Variants in CAPN5 observed in about 807,000 individuals in gnomAD.
CAPN5 encodes the protein calpain 5.
A neutral mutation model predicts 73.0 loss-of-function variants in CAPN5; 54 were observed. The ratio of observed to expected loss-of-function variants is 0.74; its 90% CI spans 0.59 to 0.93. The LOEUF (loss-of-function observed/expected upper bound fraction) is 0.93, where lower values mean the gene tolerates loss of function less well. Ranked by LOEUF, CAPN5 falls within the 40% of genes least tolerant of loss-of-function variation. The pLI, the probability that CAPN5 is intolerant of heterozygous loss-of-function variation, is 0.00. For synonymous variants in CAPN5, 335 were observed against 356.9 expected (o/e 0.94, Z 0.69); for missense variants, 785 against 882.9 (o/e 0.89, Z 1.41).
chr11:77,121,879 CCT>C (rs1950523426), intron 10 of CAPN5, 53 bp from the exon 11 acceptor site: 1 of 941,826 alleles, frequency 1.1e-6, no homozygotes, highest in Non-Finnish European at 1.6e-6. Context: ...CCTCTTCACC[CCT>C]GTCTTCCTGG....
At position 77,070,068 on chromosome 11, in the gene CAPN5, T is replaced by C. The variant is rs782511292; in HGVS notation, c.-36+2974T>C. 8.9e-4 allele frequency among the ~76,000 whole-genome samples: 136 copies of C among 152,156 alleles called. 1 individual carries two copies. The highest frequency in any genetic ancestry group is 3.7e-4 in the Non-Finnish European group (25 of 68,034). On this transcript the variant is annotated intron_variant, in intron 1 of 12. Coordinates refer to ENST00000648180, the MANE Select transcript of CAPN5 (RefSeq NM_004055.5). Reference sequence around the variant, plus strand: ...CAGCCTCAGGCTTGGATGGGGAAGCTGTGGATGATGTGTGCTTACCCGCAA... The same window carrying C: ...CAGCCTCAGGCTTGGATGGGGAAGCCGTGGATGATGTGTGCTTACCCGCAA...
chr11:77,113,430 A>G (rs1950432246), intron 4 of CAPN5, among the ~76,000 whole-genome samples: 1 of 152,170 alleles, frequency 6.6e-6, no homozygotes, highest in African/African-American at 2.4e-5. Flanking sequence ...GGATACGCCT[A>G]GGCCAGGAGG....
At chr11:77,121,082 C>T (rs1950516512) in intron 10 of CAPN5, among the ~76,000 whole-genome samples, 173 bp downstream of exon 10, 1 of 152,242 alleles carries the variant, frequency 6.6e-6, no homozygotes, top group Non-Finnish European at 1.5e-5. Context: ...TCCCAGCATC[C>T]CTGGCCATGA....
intron 1 of CAPN5, chr11:77,073,228 G>C: frequency 8.4e-6 from 6 of 713,470 alleles, no homozygotes; most frequent in Non-Finnish European, 1.3e-5. Flanking sequence ...CTGCTCACCC[G>C]AGGCTTGGCC....
rs1213102040 is a variant in CAPN5, at chr11:77,112,516, G to A, written c.298-73G>A. On this transcript the variant is annotated intron_variant, in intron 3 of 12. Coordinates refer to ENST00000648180, the MANE Select transcript of CAPN5 (RefSeq NM_004055.5). ...ACATTCCGATTCGCTGGAAGCACAC[G>A]CCCCCATTTCCTCAGGAAGCCGGAC... The A allele has an allele frequency of 5.5e-5, 64 of 1,161,372 alleles. 1 individual carries two copies. The highest frequency in any genetic ancestry group is 3.9e-4 in the South Asian group (31 of 80,518). The allele number at this position is 1,161,372 out of a possible 1,614,324, so 71.9% of individuals were successfully genotyped here.
At position 77,125,849 on chromosome 11, in the gene CAPN5, G is replaced by A. The variant is rs1395708503; in HGVS notation, c.*1979G>A. 1 of 152,468 alleles carries A rather than the reference G, an allele frequency of 6.6e-6. No homozygotes were observed. The highest frequency in any genetic ancestry group is 6.5e-5 in the Admixed American group (1 of 15,278). 9.4% of individuals were successfully genotyped at this position (152,468 alleles called of 1,614,324 possible). On this transcript the variant is annotated 3_prime_UTR_variant, in exon 13 of 13. Coordinates refer to ENST00000648180, the MANE Select transcript of CAPN5 (RefSeq NM_004055.5). ...TGCCTGCCACCCCCTGACAAAAACAGGTTCCACAGTGCTACCCTTGCTTCC... is the reference window on the plus strand; with the variant it reads ...TGCCTGCCACCCCCTGACAAAAACAAGTTCCACAGTGCTACCCTTGCTTCC...
Position 77,114,365 on chromosome 11 carries a change from G to A in CAPN5, c.630G>A (p.Lys210=). ...TEGDFANDET[K]RNQLFERMLK... ...GTGACTTTGCCAACGATGAGACTAA[G>A]AGGAACCAGCTCTTTGAGCGCATGT... Residue 210 remains lysine, a synonymous_variant, in exon 5 of 13, where the codon AAG becomes AAA. Transcript: ENST00000648180. 6.2e-7 allele frequency: 1 copy of A among 1,614,212 alleles called. No homozygotes were observed. Among genetic ancestry groups the A allele is most frequent in the Non-Finnish European group, 8.5e-7 (1 of 1,180,032 alleles).
rs782133997 is a variant in CAPN5, at chr11:77,093,779, C to G, written c.263C>G (p.Ser88Trp). 13 of 1,611,954 alleles carry G rather than the reference C, an allele frequency of 8.1e-6. No homozygotes were observed. Among genetic ancestry groups the G allele is most frequent in the Non-Finnish European group, 1.0e-5 (12 of 1,179,980 alleles). Residue 88 changes from serine (S) to tryptophan (W), a missense_variant, in exon 3 of 13, where the codon TCG (serine) becomes TGG (tryptophan). Physicochemically the swap from Ser to Trp is radical, Grantham distance 177. Transcript: ENST00000648180. ...VGNCWFVAACSSLASRESLWQ... is the reference protein window; with the variant it reads ...VGNCWFVAACWSLASRESLWQ... The stretch of plus-strand genomic sequence containing the variant: ...AACTGCTGGTTTGTGGCAGCCTGCT[C>G]GTCACTTGCCTCCCGGGAGTCGCTG...
At chr11:77,068,035 A>G (rs1247302421) in intron 1 of CAPN5, among the ~76,000 whole-genome samples, 3 of 152,182 alleles carry the variant, frequency 2.0e-5, no homozygotes, top group Non-Finnish European at 4.4e-5. Flanking sequence ...CCCAGGACTC[A>G]GGGGAAAGAG....
chr11:77,120,952 A>G (rs369222542), intron 10 of CAPN5, 43 bp downstream of exon 10: 232 of 1,573,004 alleles, frequency 1.5e-4, no homozygotes, highest in Non-Finnish European at 1.9e-4. Context: ...TGGGAGTGAC[A>G]TTCACACTGG....
chr11:77,118,001 A>T (rs1950484745), intron 7 of CAPN5, among the ~76,000 whole-genome samples, 156 bp from the exon 8 acceptor site: 1 of 152,150 alleles, frequency 6.6e-6, no homozygotes. Context: ...GTGCAATGCC[A>T]TGCCTGTGCC....
intron 5 of CAPN5, 42 bp downstream of exon 5, chr11:77,114,476 C>T (rs112770387): frequency 6.4e-7 from 1 of 1,551,522 alleles, no homozygotes; most frequent in Non-Finnish European, 8.9e-7. Flanking sequence ...CTCCCCTTCA[C>T]CCTCGCTGAC....
intron 3 of CAPN5, among the ~76,000 whole-genome samples, chr11:77,098,079 G>A (rs1283321604): frequency 2.2e-5 from 2 of 90,124 alleles, no homozygotes; most frequent in Admixed American, 1.9e-4. Flanking sequence ...TCCCGGACGG[G>A]GCGGCTGGCC....
At position 77,118,238 on chromosome 11, in the gene CAPN5, C is replaced by T. The variant is rs200318803; in HGVS notation, c.1053C>T (p.His351=). 3 of 1,614,144 alleles carry T rather than the reference C, an allele frequency of 1.9e-6. No homozygotes were observed. Among genetic ancestry groups the T allele is most frequent in the East Asian group, 2.2e-5 (1 of 44,882 alleles). ...RVINTSHLSI[H]KTWEEARLHG... is the part of the protein sequence containing the mutation. ...TCAACACATCCCACCTGAGCATCCACAAGACGTGGGAGGAGGCCCGGCTGC... is the reference window on the plus strand; with the variant it reads ...TCAACACATCCCACCTGAGCATCCATAAGACGTGGGAGGAGGCCCGGCTGC... The change falls in exon 8 of 13, where the codon CAC becomes CAT. Residue 351 remains histidine (H), a synonymous_variant. Coordinates refer to ENST00000648180, the MANE Select transcript of CAPN5 (RefSeq NM_004055.5).
At chr11:77,092,746 G>A (rs1242141420) in intron 2 of CAPN5, among the ~76,000 whole-genome samples, 2 of 152,232 alleles carry the variant, frequency 1.3e-5, no homozygotes, top group Admixed American at 6.5e-5. Context: ...GGAGGCCGAG[G>A]CCAGCAGATC....
At chr11:77,093,562 C>CA (rs1565264070) in intron 2 of CAPN5, 120 bp from the exon 3 acceptor site, 1 of 1,417,678 alleles carries the variant, frequency 7.1e-7, no homozygotes, top group Middle Eastern at 1.8e-4. Context: ...GGTGAATCAC[C>CA]ATGCTGATGA....
chr11:77,073,580 C>T (rs1411076898), intron 1 of CAPN5, among the ~76,000 whole-genome samples: 1 of 152,200 alleles, frequency 6.6e-6, no homozygotes, highest in Non-Finnish European at 1.5e-5. Context: ...ATCACGGCTG[C>T]AGGACCACCA....
At chr11:77,080,656 C>A (rs1565257480) in intron 1 of CAPN5, among the ~76,000 whole-genome samples, 1 of 152,174 alleles carries the variant, frequency 6.6e-6, no homozygotes, top group Non-Finnish European at 1.5e-5. Flanking sequence ...CAGACTAGGC[C>A]ACACAGCCTC....
chr11:77,076,443 T>C (rs1185086256), intron 1 of CAPN5, among the ~76,000 whole-genome samples: 4 of 152,226 alleles, frequency 2.6e-5, no homozygotes, highest in South Asian at 2.1e-4. Flanking sequence ...CTTGAACTTA[T>C]AGATCTCTTG....
Sources: allele counts gnomAD v4.1 joint callset (sites outside exome capture counted in the v4.1 genomes callset), GRCh38; gene constraint gnomAD v4.1.1; transcripts MANE v1.5; gene names NCBI Gene and HGNC (gene_info 2026-07-23, HGNC 2026-07-21).